The following GBX1 variants were observed in gnomAD, a reference collection of about 807,000 sequenced individuals.
GBX1 encodes homeobox protein GBX-1.
A neutral mutation model predicts 22.9 loss-of-function variants in GBX1; 9 were observed. That is an observed-to-expected ratio of 0.39 (90% confidence interval 0.24 to 0.69). The LOEUF is 0.69. GBX1 is among the 30% of genes least tolerant of loss of function. The probability of loss-of-function intolerance (pLI) is 0.43; values close to 1 mark genes in which losing one functional copy is unlikely to be tolerated. For synonymous variants in GBX1, 203 were observed against 227.3 expected (o/e 0.89, Z 0.96); for missense variants, 494 against 509.2 (o/e 0.97, Z 0.29).
chr7:151,149,444 C>G (rs573589917), intron 1 of GBX1, among the ~76,000 whole-genome samples: 1 of 152,190 alleles, frequency 6.6e-6, no homozygotes, highest in South Asian at 2.1e-4. Flanking sequence ...CTCAACTTCC[C>G]CACCACCCCC....
rs775848180 is a variant in GBX1 at position 151,149,023 on chromosome 7, C to T, written c.658G>A (p.Asp220Asn). 1.9e-5 allele frequency: 30 copies of T among 1,614,052 alleles called. No homozygotes were observed. Among genetic ancestry groups the T allele is most frequent in the Non-Finnish European group, 2.5e-5 (30 of 1,180,022 alleles). Reference protein sequence around the residue: ...GGDSEDDGFLDSSAGGPGALL... With the variant: ...GGDSEDDGFLNSSAGGPGALL... ...GCCCCTGGGCCCCCTGCAGAACTGT[C>T]CAGGAAACCGTCATCCTCGCTGTCA... Residue 220 changes from aspartate (D) to asparagine (N), a missense_variant, in exon 2 of 2, where the codon GAC (aspartate) becomes AAC (asparagine). Transcript: ENST00000297537.
At chr7:151,162,053 A>G (rs1017521706) in intron 1 of GBX1, among the ~76,000 whole-genome samples, 2 of 152,254 alleles carry the variant, frequency 1.3e-5, no homozygotes, top group African/African-American at 4.8e-5. Context: ...TATACAACTA[A>G]TGAGTGACAA....
At chr7:151,161,946 G>A (rs949731876) in intron 1 of GBX1, among the ~76,000 whole-genome samples, 2 of 152,186 alleles carry the variant, frequency 1.3e-5, no homozygotes, top group Non-Finnish European at 2.9e-5. Flanking sequence ...GAAGTCATGT[G>A]ACTTTGAATC....
At position 151,155,213 on chromosome 7, in the gene GBX1, A is replaced by G. The variant is rs144864014; in HGVS notation, c.539-6071T>C. Among the ~76,000 whole-genome samples, 484 of 152,316 alleles carry G rather than the reference A, an allele frequency of 3.2e-3. 3 individuals are homozygous for G. Among genetic ancestry groups the G allele is most frequent in the Admixed American group, 5.2e-3 (80 of 15,302 alleles). On this transcript the variant is annotated intron_variant, in intron 1 of 1. Coordinates refer to ENST00000297537, the MANE Select transcript of GBX1 (RefSeq NM_001098834.3). ...CTCCTGGTCCGCCCATCTTAGGACA[A>G]TGAATCTCTTCCTGATTTTCACAGG...
rs1801258711 is a variant in GBX1 at position 151,166,922 on chromosome 7, G to A, written c.538+89C>T. On this transcript the variant is annotated intron_variant, in intron 1 of 1. Coordinates refer to ENST00000297537, the MANE Select transcript of GBX1 (RefSeq NM_001098834.3). ...TGGGACTTCAAGGCTCCAGGCAGGTGCCGAGGTGCCGAGGTTCCGAGCAGG... is the reference window on the plus strand; with the variant it reads ...TGGGACTTCAAGGCTCCAGGCAGGTACCGAGGTGCCGAGGTTCCGAGCAGG... 6 of 1,325,444 alleles carry A rather than the reference G, an allele frequency of 4.5e-6. No homozygotes were observed. The South Asian group carries it at 6.1e-5, about 14-fold the overall frequency. 82.1% of individuals were successfully genotyped at this position (1,325,444 alleles called of 1,614,324 possible).
chr7:151,166,557 AG>A (rs1801254069), intron 1 of GBX1, among the ~76,000 whole-genome samples: 1 of 134,226 alleles, frequency 7.5e-6, no homozygotes, highest in Non-Finnish European at 1.5e-5. Context: ...TTGAGCCTTT[AG>A]GGTCAGTATG....
intron 1 of GBX1, among the ~76,000 whole-genome samples, chr7:151,151,793 C>T (rs537622579): frequency 1.4e-4 from 21 of 152,346 alleles, no homozygotes; most frequent in Admixed American, 2.6e-4. Context: ...TCACTGTCAT[C>T]TTCTAACTGG....
chr7:151,166,721 G>A (rs1366637749), intron 1 of GBX1, among the ~76,000 whole-genome samples: 1 of 152,150 alleles, frequency 6.6e-6, no homozygotes, highest in Non-Finnish European at 1.5e-5. Context: ...AAGGAGACAG[G>A]GCCAAGTCTT....
At chr7:151,155,196 C>T (rs990492627) in intron 1 of GBX1, among the ~76,000 whole-genome samples, 8 of 152,202 alleles carry the variant, frequency 5.3e-5, no homozygotes, top group Non-Finnish European at 1.0e-4. Flanking sequence ...CTCTCCTGGT[C>T]CGCCCATCTT....
Position 151,167,618 on chromosome 7 carries a change from G to T in GBX1, c.-70C>A. 1 of 1,223,096 alleles carries T rather than the reference G, an allele frequency of 8.2e-7. No homozygotes were observed. Among genetic ancestry groups the T allele is most frequent in the South Asian group, 3.5e-5 (1 of 28,446 alleles). 75.8% of individuals were successfully genotyped at this position (1,223,096 alleles called of 1,614,324 possible). ...CCTCCGTGCGCCCCGCGGCTCGGGC[G>T]CCCCGCGCGGACACGCAGGGCTCGC... On this transcript the variant is annotated 5_prime_UTR_variant, in exon 1 of 2. Transcript: ENST00000297537. This position sits in a 1 kb window ranked among gnomAD's most constrained non-coding sequence, Gnocchi z 5.9.
intron 1 of GBX1, among the ~76,000 whole-genome samples, chr7:151,151,404 A>C (rs1193914357): frequency 6.6e-6 from 1 of 151,962 alleles, no homozygotes; most frequent in Non-Finnish European, 1.5e-5. Flanking sequence ...CCCTAGCCAA[A>C]TCTATGTTGT....
chr7:151,161,607 T>C (rs1801188675), intron 1 of GBX1, among the ~76,000 whole-genome samples: 1 of 152,346 alleles, frequency 6.6e-6, no homozygotes, highest in South Asian at 2.1e-4. Context: ...AAAACAGAAC[T>C]TGTGATATAA....
chr7:151,166,946 G>A, intron 1 of GBX1, 65 bp downstream of exon 1: 3 of 1,542,090 alleles, frequency 1.9e-6, no homozygotes, highest in South Asian at 2.3e-5. Flanking sequence ...GTTCCGAGCA[G>A]GTTCCTGTCT....
chr7:151,166,227 C>A (rs1801248442), intron 1 of GBX1, among the ~76,000 whole-genome samples: 2 of 152,208 alleles, frequency 1.3e-5, no homozygotes, highest in African/African-American at 4.8e-5. Context: ...ATGGAGAGGG[C>A]ACCATTCATG....
At chr7:151,152,170 T>C (rs1272494820) in intron 1 of GBX1, among the ~76,000 whole-genome samples, 2 of 152,190 alleles carry the variant, frequency 1.3e-5, no homozygotes, top group Non-Finnish European at 2.9e-5. Flanking sequence ...TCAATAAGCA[T>C]CTGTTGACTA....
chr7:151,151,482 C>T (rs1362725287), intron 1 of GBX1, among the ~76,000 whole-genome samples: 1 of 152,094 alleles, frequency 6.6e-6, no homozygotes, highest in Non-Finnish European at 1.5e-5. Context: ...CATTATTTTC[C>T]ACTTCCACAG....
intron 1 of GBX1, among the ~76,000 whole-genome samples, chr7:151,153,385 A>G (rs6947988): frequency 0.45 from 68,282 of 152,014 alleles, 16,943 homozygotes; most frequent in African/African-American, 0.67. Context: ...ACAGTAGTGC[A>G]ATCCTTTACA....
At chr7:151,153,158 T>C (rs1401671938) in intron 1 of GBX1, among the ~76,000 whole-genome samples, 1 of 152,088 alleles carries the variant, frequency 6.6e-6, no homozygotes, top group Non-Finnish European at 1.5e-5. Flanking sequence ...CTGAAAAGTC[T>C]AGAGAAGGGA....
chr7:151,148,607 C>G lies in GBX1; in HGVS notation c.1074G>C (p.Glu358Asp), dbSNP rs777271750. Residue 358 changes from glutamate to aspartate, a missense_variant, in exon 2 of 2, where the codon GAG becomes GAC. This residue lies in a region of GBX1 where 124 missense variants were observed against 152.0 expected (regional missense o/e 0.82). Coordinates refer to ENST00000297537, the MANE Select transcript of GBX1 (RefSeq NM_001098834.3). The surrounding 1 kb of genome is among the most constrained non-coding windows in gnomAD (Gnocchi z 5.1). ...TGCCCATTCAGGGCCGGGCCCCCTG[C>G]TCCATTTGTTGGTGCTGGCTCCGCA... Reference protein sequence around the residue: ...FAVRSQHQQMEQGARP With the variant: ...FAVRSQHQQMDQGARP 2 of 1,613,748 alleles carry G rather than the reference C, an allele frequency of 1.2e-6. No homozygotes were observed. The highest frequency in any genetic ancestry group is 2.2e-5 in the East Asian group (1 of 44,874).
Sources: allele counts gnomAD v4.1 joint callset (sites outside exome capture counted in the v4.1 genomes callset), GRCh38; gene constraint gnomAD v4.1.1; regional missense constraint gnomAD v4.1.1; non-coding constraint Gnocchi (gnomAD v3.1); transcripts MANE v1.5; gene names NCBI Gene and HGNC (gene_info 2026-07-23, HGNC 2026-07-21).